The following UNC93B1 variants were observed in gnomAD, a reference collection of about 807,000 sequenced individuals.
UNC93B1 encodes protein unc-93 homolog B1.
A neutral mutation model predicts 56.8 loss-of-function variants in UNC93B1; 33 were observed. That is an observed-to-expected ratio of 0.58 (90% confidence interval 0.44 to 0.78). The LOEUF is 0.78. Among genes scored for constraint, UNC93B1 ranks in the 30% least tolerant of loss-of-function variants. The pLI is 0.00. For synonymous variants in UNC93B1, 334 were observed against 358.6 expected, an observed-to-expected ratio of 0.93 and a Z score of 0.77; for missense variants, 673 against 819.5, an observed-to-expected ratio of 0.82 and a Z score of 2.18.
In UNC93B1 at chr11:67,997,534, C is replaced by T. The variant is rs887559135; in HGVS notation, c.906+141G>A. On this transcript the variant is annotated intron_variant, in intron 7 of 10. Transcript: ENST00000227471. ...TCGGCCCTAGCTCCCCAACTCAGAT[C>T]GCGCTCCCAGGCCTACGGCCTGCCC... is the stretch of plus-strand genomic sequence containing the variant. The T allele has an allele frequency of 2.8e-6, 4 of 1,410,682 alleles. No individual in the cohort carries two copies. The East Asian group carries it at 9.6e-5, about 34-fold the overall frequency. The allele number at this position is 1,410,682 out of a possible 1,614,324, so 87.4% of individuals were successfully genotyped here. A position where few individuals can be genotyped will look rare whatever the true frequency, so the allele number is the denominator to read the frequency against.
At chr11:68,002,368 C>T (rs561460707) in intron 3 of UNC93B1, among the ~76,000 whole-genome samples, 34 of 152,152 alleles carry the variant, frequency 2.2e-4, no homozygotes, top group Non-Finnish European at 3.8e-4. Flanking sequence ...GCCTGTGCAA[C>T]GGGAGATGTT....
Position 68,003,521 on chromosome 11 carries a change from C to T in UNC93B1, c.238+136G>A, listed in dbSNP as rs1439241689. The T allele has an allele frequency of 4.7e-6, 6 of 1,286,760 alleles. No homozygotes were observed. The highest frequency in any genetic ancestry group is 6.1e-6 in the Non-Finnish European group (6 of 989,294). The allele number at this position is 1,286,760 out of a possible 1,614,324, so 79.7% of individuals were successfully genotyped here. A position where few individuals can be genotyped will look rare whatever the true frequency, so the allele number is the denominator to read the frequency against. On this transcript the variant is annotated intron_variant, in intron 2 of 10. Transcript: ENST00000227471. The surrounding 1 kb of genome is among the most constrained non-coding windows in gnomAD (Gnocchi z 4.4). Reference sequence around the variant, plus strand: ...TGACCCCCCAACCCCACCCCCGCCGCGGGGGGCCGTGGCTGCAGCTGCGAG... The same window carrying T: ...TGACCCCCCAACCCCACCCCCGCCGTGGGGGGCCGTGGCTGCAGCTGCGAG...
intron 5 of UNC93B1, 49 bp downstream of exon 5, chr11:67,999,124 A>G: frequency 2.5e-6 from 4 of 1,610,342 alleles, no homozygotes; most frequent in Non-Finnish European, 3.4e-6. Context: ...ATGGGCTCCA[A>G]TGCGTGGGTC....
At chr11:67,996,004 G>GAA (rs1472570687) in intron 8 of UNC93B1, 120 bp from the exon 9 acceptor site, 2 of 842,056 alleles carry the variant, frequency 2.4e-6, no homozygotes, top group Non-Finnish European at 3.4e-6. Context: ...AGCCAGGGGG[G>GAA]AAGAGGGTCT....
Position 67,995,747 on chromosome 11 carries a change from T to A in UNC93B1, c.1227A>T (p.Ala409=). The change falls in exon 9 of 11, where the codon GCA becomes GCT. Residue 409 remains alanine, a synonymous_variant. Coordinates refer to ENST00000227471, the MANE Select transcript of UNC93B1 (RefSeq NM_030930.4). ...LPRPVPLVAG[A]GVHLLLTFIL... ...TGAAGGTGAGCAGCAGGTGCACCCC[T>A]GCTCCGGCCACCAGGGGCACCGGGC... 6.5e-7 allele frequency: 1 copy of A among 1,548,386 alleles called. No homozygotes were observed. Among genetic ancestry groups the A allele is most frequent in the Middle Eastern group, 2.3e-4 (1 of 4,356 alleles).
chr11:67,992,345 G>T (rs1301077901), intron 10 of UNC93B1, among the ~76,000 whole-genome samples: 3 of 152,018 alleles, frequency 2.0e-5, no homozygotes, highest in Admixed American at 6.5e-5. Context: ...AGACACGGTC[G>T]CTCCGTTTCC....
chr11:67,991,467 G>T lies in UNC93B1; in HGVS notation c.*79C>A. On this transcript the variant is annotated 3_prime_UTR_variant, in exon 11 of 11. Coordinates refer to ENST00000227471, the MANE Select transcript of UNC93B1 (RefSeq NM_030930.4). ...GCCTTTGAAGACAGCGCGGGACTCG[G>T]AGGGGGTCCCCCCGACCTCAGACGT... is the stretch of plus-strand genomic sequence containing the variant. 5.3e-6 allele frequency: 7 copies of T among 1,324,354 alleles called. No homozygotes were observed. The highest frequency in any genetic ancestry group is 6.8e-6 in the Non-Finnish European group (7 of 1,030,052). The allele number at this position is 1,324,354 out of a possible 1,614,324, so 82.0% of individuals were successfully genotyped here. A position where few individuals can be genotyped will look rare whatever the true frequency, so the allele number is the denominator to read the frequency against.
rs760102898 is a variant in UNC93B1 at position 67,992,666 on chromosome 11, CT to C, written c.1483-810del. On this transcript the variant is annotated intron_variant, in intron 10 of 10. Coordinates refer to ENST00000227471, the MANE Select transcript of UNC93B1 (RefSeq NM_030930.4). ...TCACTGCTTTTCTTTTTTTTTTTTC[CT>C]TTTTTTTTTTTTTGGAAGACAGAGT... 1.0e-3 allele frequency among the ~76,000 whole-genome samples: 120 copies of C among 118,216 alleles called. 1 individual carries two copies. Among genetic ancestry groups the C allele is most frequent in the East Asian group, 7.5e-3 (30 of 4,006 alleles). 77.6% of individuals were successfully genotyped at this position (118,216 alleles called of 152,430 possible). A position where few individuals can be genotyped will look rare whatever the true frequency, so the allele number is the denominator to read the frequency against.
chr11:68,003,607 G>A lies in UNC93B1; in HGVS notation c.238+50C>T. ...GCGGCCCGCGGTTTCTGTTTCCCGG[G>A]CCGGGCTGGGAGCGGGCGGGGCGGC... On this transcript the variant is annotated intron_variant, in intron 2 of 10. Transcript: ENST00000227471. This position sits in a 1 kb window ranked among gnomAD's most constrained non-coding sequence, Gnocchi z 4.4. The A allele has an allele frequency of 6.7e-7, 1 of 1,486,042 alleles. No homozygotes were observed. The highest frequency in any genetic ancestry group is 8.9e-7 in the Non-Finnish European group (1 of 1,121,750). 92.1% of individuals were successfully genotyped at this position (1,486,042 alleles called of 1,614,324 possible).
chr11:67,997,223 A>G (rs984510354), intron 7 of UNC93B1, among the ~76,000 whole-genome samples: 1 of 146,750 alleles, frequency 6.8e-6, no homozygotes, highest in Non-Finnish European at 1.5e-5. Context: ...TGACACAGCC[A>G]CGGACTGGGC....
In UNC93B1 at chr11:67,991,443, C is replaced by A. The variant is rs1332989515; in HGVS notation, c.*103G>T. The A allele has an allele frequency of 8.7e-6, 10 of 1,151,802 alleles. No individual in the cohort carries two copies. The highest frequency in any genetic ancestry group is 2.1e-5 in the South Asian group (1 of 47,362). 71.3% of individuals were successfully genotyped at this position (1,151,802 alleles called of 1,614,324 possible). Reference sequence around the variant, plus strand: ...CAACGTGGGGGAGGGGAGACAGGGGCCTTTGAAGACAGCGCGGGACTCGGA... The same window carrying A: ...CAACGTGGGGGAGGGGAGACAGGGGACTTTGAAGACAGCGCGGGACTCGGA... On this transcript the variant is annotated 3_prime_UTR_variant, in exon 11 of 11. Coordinates refer to ENST00000227471, the MANE Select transcript of UNC93B1 (RefSeq NM_030930.4).
At chr11:68,001,960 A>G (rs910867022) in intron 3 of UNC93B1, among the ~76,000 whole-genome samples, 8 of 152,084 alleles carry the variant, frequency 5.3e-5, no homozygotes, top group South Asian at 4.1e-4. Flanking sequence ...CCTGGTCAAC[A>G]TAGTGAAACC....
At chr11:67,999,118 G>T (rs1187493752) in intron 5 of UNC93B1, 55 bp downstream of exon 5, 9 of 1,607,140 alleles carry the variant, frequency 5.6e-6, no homozygotes, top group African/African-American at 4.0e-5. Flanking sequence ...CTGTGGATGG[G>T]CTCCAATGCG....
At position 68,003,281 on chromosome 11, in the gene UNC93B1, A is replaced by G; in HGVS notation, c.239-106T>C. 1 of 1,304,880 alleles carries G rather than the reference A, an allele frequency of 7.7e-7. No individual in the cohort carries two copies. Among genetic ancestry groups the G allele is most frequent in the Non-Finnish European group, 1.0e-6 (1 of 984,764 alleles). The allele number at this position is 1,304,880 out of a possible 1,614,324, so 80.8% of individuals were successfully genotyped here. On this transcript the variant is annotated intron_variant, in intron 2 of 10. Transcript: ENST00000227471. The surrounding 1 kb of genome is among the most constrained non-coding windows in gnomAD (Gnocchi z 4.4). ...GCAGGGAGCTCCAATCACCGAAGGC[A>G]TTCCCGCTGACAGCGCCCCTCAGGA...
chr11:67,992,539 T>C (rs1856861773), intron 10 of UNC93B1, among the ~76,000 whole-genome samples: 3 of 152,214 alleles, frequency 2.0e-5, no homozygotes, highest in Non-Finnish European at 4.4e-5. Context: ...GGGTCTCCTA[T>C]GTTGCCCAGG....
intron 9 of UNC93B1, 39 bp downstream of exon 9, chr11:67,995,572 C>CGGGGGGG: frequency 1.1e-5 from 1 of 90,122 alleles, no homozygotes; most frequent in Non-Finnish European, 2.5e-5. Flanking sequence ...AAGCCCCCTG[C>CGGGGGGG]CCCGCCCCCC....
At chr11:67,994,146 C>T (rs1856896009) in intron 9 of UNC93B1, among the ~76,000 whole-genome samples, 1 of 152,218 alleles carries the variant, frequency 6.6e-6, no homozygotes, top group Non-Finnish European at 1.5e-5. Flanking sequence ...GTTTCTCCTC[C>T]TCAGCCAGGA....
At position 67,991,572 on chromosome 11, in the gene UNC93B1, C is replaced by G. The variant is rs2375182; in HGVS notation, c.1768G>C (p.Gly590Arg). 3.3e-5 allele frequency: 49 copies of G among 1,488,814 alleles called. No homozygotes were observed. Among genetic ancestry groups the G allele is most frequent in the East Asian group, 1.4e-4 (5 of 36,994 alleles). The allele number at this position is 1,488,814 out of a possible 1,614,324, so 92.2% of individuals were successfully genotyped here. The change falls in exon 11 of 11, where the codon GGG becomes CGG. Residue 590 changes from glycine (G) to arginine (R), a missense_variant. Physicochemically the swap from Gly to Arg is moderately radical, Grantham distance 125. Coordinates refer to ENST00000227471, the MANE Select transcript of UNC93B1 (RefSeq NM_030930.4). ...CACTGCTCCTCCGGCCCGTCTCCCCCCTGCGCCTGTTCGTACGGGCAGGGC... is the reference window on the plus strand; with the variant it reads ...CACTGCTCCTCCGGCCCGTCTCCCCGCTGCGCCTGTTCGTACGGGCAGGGC... ...RRPCPYEQAQ[G>R]GDGPEEQ
chr11:67,991,430 G>A lies in UNC93B1; in HGVS notation c.*116C>T, dbSNP rs4014584. The A allele has an allele frequency of 2.9e-6, 3 of 1,048,124 alleles. No individual in the cohort carries two copies. Among genetic ancestry groups the A allele is most frequent in the East Asian group, 3.2e-5 (1 of 31,070 alleles). 64.9% of individuals were successfully genotyped at this position (1,048,124 alleles called of 1,614,324 possible). A position where few individuals can be genotyped will look rare whatever the true frequency, so the allele number is the denominator to read the frequency against. ...GGAGGGGCGTCCCCAACGTGGGGGA[G>A]GGGAGACAGGGGCCTTTGAAGACAG... On this transcript the variant is annotated 3_prime_UTR_variant, in exon 11 of 11. Coordinates refer to ENST00000227471, the MANE Select transcript of UNC93B1 (RefSeq NM_030930.4).
Sources: allele counts gnomAD v4.1 joint callset (sites outside exome capture counted in the v4.1 genomes callset), GRCh38; gene constraint gnomAD v4.1.1; non-coding constraint Gnocchi (gnomAD v3.1); transcripts MANE v1.5; gene names NCBI Gene and HGNC (gene_info 2026-07-23, HGNC 2026-07-21).